NRXN1: variants seen among roughly 807,000 people sequenced by gnomAD.
NRXN1 encodes neurexin 1.
NRXN1 carries 39 observed loss-of-function variants against 150.9 expected under a neutral mutation model. The observed-to-expected ratio is 0.26, with a 90% CI of 0.20 to 0.34. The LOEUF is 0.34. Among genes scored for constraint, NRXN1 ranks in the 10% least tolerant of loss-of-function variants. The pLI, the probability that NRXN1 is intolerant of heterozygous loss-of-function variation, is 1.00. For synonymous variants in NRXN1, 924 were observed against 757.0 expected (o/e 1.22, Z -3.62); for missense variants, 1,815 against 1,949.9 (o/e 0.93, Z 1.30).
intron 5 of NRXN1, among the ~76,000 whole-genome samples, chr2:50,843,478 T>C (rs1208047782): frequency 2.0e-5 from 3 of 152,208 alleles, no homozygotes; most frequent in East Asian, 1.9e-4. Context: ...ACTTTCCTTT[T>C]TCATAAGGAC....
intron 18 of NRXN1, among the ~76,000 whole-genome samples, chr2:50,111,809 C>G (rs1258538421): frequency 6.6e-6 from 1 of 152,118 alleles, no homozygotes; most frequent in Admixed American, 6.5e-5. Flanking sequence ...ACCTTCCATT[C>G]TTTAACTATC....
chr2:50,967,094 C>G (rs2104749606), intron 2 of NRXN1, among the ~76,000 whole-genome samples: 1 of 152,038 alleles, frequency 6.6e-6, no homozygotes, highest in Non-Finnish European at 1.5e-5. Flanking sequence ...AAACACGTTT[C>G]TTTCCATGTC....
intron 5 of NRXN1, chr2:50,917,554 TA>T (rs1457566487): frequency 2.0e-5 from 3 of 151,710 alleles, no homozygotes; most frequent in South Asian, 4.2e-4. Flanking sequence ...AATGACGGAT[TA>T]GGAGAGGGGG....
chr2:50,373,211 G>A lies in NRXN1; in HGVS notation c.3364+92231C>T, dbSNP rs182834469. ...GAGCCAAACCACACCCCAAGGAGGAGTTAATATAATTACTTAGATTAGGGC... is the reference window on the plus strand; with the variant it reads ...GAGCCAAACCACACCCCAAGGAGGAATTAATATAATTACTTAGATTAGGGC... On this transcript the variant is annotated intron_variant, in intron 17 of 22. Coordinates refer to ENST00000401669, the MANE Select transcript of NRXN1 (RefSeq NM_001330078.2). Among the ~76,000 whole-genome samples, 70 of 151,560 alleles carry A rather than the reference G, an allele frequency of 4.6e-4. No homozygotes were observed. In the East Asian group the frequency reaches 8.2e-3, roughly 18 times the overall value.
chr2:50,493,095 T>C (rs555114742), intron 15 of NRXN1, among the ~76,000 whole-genome samples: 1 of 152,346 alleles, frequency 6.6e-6, no homozygotes, highest in Admixed American at 6.5e-5. Context: ...CTCAGCAGGA[T>C]GGAGAGTAAA....
chr2:50,936,874 A>T (rs995687556), intron 2 of NRXN1, among the ~76,000 whole-genome samples: 4 of 152,134 alleles, frequency 2.6e-5, no homozygotes, highest in African/African-American at 2.4e-5. Flanking sequence ...GATAATTTTT[A>T]AAAAATGAAT....
At chr2:50,198,279 T>C (rs1574450466) in intron 18 of NRXN1, among the ~76,000 whole-genome samples, 1 of 152,240 alleles carries the variant, frequency 6.6e-6, no homozygotes, top group East Asian at 1.9e-4. Flanking sequence ...GATAATTAAA[T>C]AGGATCATTT....
chr2:50,978,271 C>CATAT (rs10671122), intron 2 of NRXN1, among the ~76,000 whole-genome samples: 2,319 of 94,728 alleles, frequency 0.024, 85 homozygotes, highest in African/African-American at 0.048. Flanking sequence ...GGATATTATA[C>CATAT]ATATATATAT....
chr2:50,543,952 G>T (rs936982476), intron 9 of NRXN1, among the ~76,000 whole-genome samples: 2 of 152,092 alleles, frequency 1.3e-5, no homozygotes, highest in Admixed American at 6.6e-5. Flanking sequence ...CAACTAACTA[G>T]CTAGCAAGTT....
At chr2:50,559,503 T>C (rs746397297) in intron 8 of NRXN1, among the ~76,000 whole-genome samples, 4 of 152,208 alleles carry the variant, frequency 2.6e-5, no homozygotes, top group Non-Finnish European at 4.4e-5. Context: ...CCACAGAACA[T>C]GTTACACTGA....
intron 18 of NRXN1, chr2:50,174,994 T>A (rs868436350): frequency 2.6e-5 from 4 of 152,208 alleles, no homozygotes; most frequent in Non-Finnish European, 2.9e-5. Context: ...GCCTGTAATG[T>A]GGGTAGGCTA....
intron 2 of NRXN1, among the ~76,000 whole-genome samples, chr2:50,931,128 A>T (rs994079106): frequency 6.6e-6 from 1 of 152,162 alleles, no homozygotes; most frequent in Non-Finnish European, 1.5e-5. Context: ...TAGGTTTGCT[A>T]TCATTAAGAT....
At chr2:50,990,041 T>C (rs1274110931) in intron 2 of NRXN1, among the ~76,000 whole-genome samples, 1 of 152,038 alleles carries the variant, frequency 6.6e-6, no homozygotes, top group Non-Finnish European at 1.5e-5. Flanking sequence ...GGTAGCTCAT[T>C]GTGACTTTAA....
rs200490872 is a variant in NRXN1 at position 51,027,606 on chromosome 2, C to T, written c.668G>A (p.Gly223Asp). Residue 223 changes from glycine (G) to aspartate (D), a missense_variant, in exon 2 of 23, where the codon GGC becomes GAC. Around this residue, in one of 6 missense-constraint regions of NRXN1, gnomAD observed 554 missense variants for 478.8 expected, o/e 1.16. Transcript: ENST00000401669. The stretch of plus-strand genomic sequence containing the variant: ...TCCGTTGAGGCACACCCCGCCCTCG[C>T]CCTCCTCGCCCGCCTCGCACGGGCT... ...GGSPCEAGEE[G>D]EGGVCLNGGV... is the part of the protein sequence containing the mutation. The T allele has an allele frequency of 1.1e-5, 17 of 1,594,168 alleles. No individual in the cohort carries two copies. The highest frequency in any genetic ancestry group is 1.4e-5 in the Non-Finnish European group (16 of 1,170,708).
intron 17 of NRXN1, among the ~76,000 whole-genome samples, chr2:50,261,541 C>A (rs2068283019): frequency 6.6e-6 from 1 of 151,706 alleles, no homozygotes; most frequent in Non-Finnish European, 1.5e-5. Flanking sequence ...ACTTAAGTCA[C>A]AAGACATAAA....
rs115425184 is a variant in NRXN1 at position 50,170,491 on chromosome 2, T to C, written c.3546+66298A>G. Reference sequence around the variant, plus strand: ...TTTGCAGTTTTACTAGAGACAGGGTTTCACGATGTTGACCATGCTGGTCTC... The same window carrying C: ...TTTGCAGTTTTACTAGAGACAGGGTCTCACGATGTTGACCATGCTGGTCTC... On this transcript the variant is annotated intron_variant, in intron 18 of 22. Coordinates refer to ENST00000401669, the MANE Select transcript of NRXN1 (RefSeq NM_001330078.2). Among the ~76,000 whole-genome samples, 396 of 152,182 alleles carry C rather than the reference T, an allele frequency of 2.6e-3. 1 individual carries two copies. The highest frequency in any genetic ancestry group is 9.3e-3 in the African/African-American group (386 of 41,506).
At chr2:50,902,923 T>C (rs1683155370) in intron 5 of NRXN1, among the ~76,000 whole-genome samples, 2 of 152,164 alleles carry the variant, frequency 1.3e-5, no homozygotes, top group African/African-American at 4.8e-5. Flanking sequence ...ACTACTACTG[T>C]TACAATTAGA....
rs553379982 is a variant in NRXN1, at chr2:50,353,711, T to C, written c.3364+111731A>G. On this transcript the variant is annotated intron_variant, in intron 17 of 22. Coordinates refer to ENST00000401669, the MANE Select transcript of NRXN1 (RefSeq NM_001330078.2). The stretch of plus-strand genomic sequence containing the variant: ...CTTTATGCCAAAGACATAAAGATAA[T>C]GAGCTGCGATGTGGTTTTTAATTTG... 2.0e-5 allele frequency among the ~76,000 whole-genome samples: 3 copies of C among 152,250 alleles called. No homozygotes were observed. The South Asian group carries it at 6.2e-4, about 31-fold the overall frequency.
intron 8 of NRXN1, among the ~76,000 whole-genome samples, chr2:50,613,983 TG>T (rs1678616944): frequency 6.6e-6 from 1 of 152,118 alleles, no homozygotes; most frequent in African/African-American, 2.4e-5. Flanking sequence ...TATAATGATA[TG>T]GTAAGTAAAA....
Sources: allele counts gnomAD v4.1 joint callset (sites outside exome capture counted in the v4.1 genomes callset), GRCh38; gene constraint gnomAD v4.1.1; regional missense constraint gnomAD v4.1.1; transcripts MANE v1.5; gene names NCBI Gene and HGNC (gene_info 2026-07-23, HGNC 2026-07-21).